PACRGL: variants seen among roughly 807,000 people sequenced by gnomAD.
PACRGL encodes the protein PACRG-like protein.
Under a neutral mutation model 34.5 loss-of-function variants are expected in PACRGL, and 38 were observed. The ratio of observed to expected loss-of-function variants is 1.10; its 90% CI spans 0.85 to 1.44. The LOEUF is 1.44. Among genes scored for constraint, PACRGL ranks in the 40% most tolerant of loss-of-function variants. The pLI is 0.00. For missense variants in PACRGL, 305 were observed against 281.4 expected (o/e 1.08, Z -0.60); for synonymous variants, 128 against 100.1 (o/e 1.28, Z -1.66).
chr4:20,732,699 G>T (rs368576905), downstream of PACRGL: 9 of 1,610,110 alleles, frequency 5.6e-6, no homozygotes, highest in South Asian at 1.1e-5. Flanking sequence ...ATGTTTCAAC[G>T]TGTTGTCTGG....
chr4:20,759,771 C>A, the PACRGL span, among the ~76,000 whole-genome samples: 1 of 152,150 alleles, frequency 6.6e-6, no homozygotes, highest in Non-Finnish European at 1.5e-5. Flanking sequence ...TTATAAGAAC[C>A]AGTGTGGTTA....
the PACRGL span, among the ~76,000 whole-genome samples, chr4:20,761,603 G>T: frequency 3.3e-5 from 5 of 152,114 alleles, no homozygotes; most frequent in Admixed American, 1.3e-4. Context: ...GTTAGAGCTG[G>T]AAAGTTGCCT....
In PACRGL at chr4:20,704,689, A is replaced by G. The variant is rs1284679312; in HGVS notation, c.82A>G (p.Thr28Ala). The change falls in exon 3 of 9, where the codon ACA becomes GCA. Residue 28 changes from threonine (T) to alanine (A), a missense_variant. Physicochemically the swap from Thr to Ala is moderately conservative, Grantham distance 58 (BLOSUM62 0). Transcript: ENST00000503585. ...CTATGATCAAAGGACATCATCAAGC[A>G]CACAGTTAAAACACAGGAATGCAGT... ...GNYDQRTSSSTQLKHRNAVQG... is the reference protein window; with the variant it reads ...GNYDQRTSSSAQLKHRNAVQG... 2.5e-6 allele frequency: 4 copies of G among 1,614,180 alleles called. 1 individual carries two copies. The highest frequency in any genetic ancestry group is 2.2e-5 in the South Asian group (2 of 91,080).
At chr4:20,704,994 A>G (rs1339033262) in intron 3 of PACRGL, among the ~76,000 whole-genome samples, 180 bp downstream of exon 3, 2 of 152,182 alleles carry the variant, frequency 1.3e-5, no homozygotes, top group African/African-American at 4.8e-5. Context: ...GGGAGTGAGT[A>G]TGGAGGTAAG....
intron 7 of PACRGL, chr4:20,718,768 A>G (rs1741445553): frequency 6.6e-6 from 1 of 152,236 alleles, no homozygotes; most frequent in Non-Finnish European, 1.5e-5. Context: ...ATTGATGTTC[A>G]TCAGGGATAT....
At chr4:20,756,729 A>G (rs559511377), downstream of PACRGL, among the ~76,000 whole-genome samples, 98 of 152,042 alleles carry the variant, frequency 6.4e-4, no homozygotes, top group African/African-American at 2.3e-3. Context: ...CCACATCCCA[A>G]AGAGACCTTC....
downstream of PACRGL, chr4:20,752,892 A>G (rs1753892190): frequency 6.6e-6 from 1 of 152,208 alleles, no homozygotes; most frequent in African/African-American, 2.4e-5. Context: ...ATATTTGTTA[A>G]AAGAGTGATT....
intron 5 of PACRGL, among the ~76,000 whole-genome samples, chr4:20,712,289 G>T (rs1578188509): frequency 7.3e-6 from 1 of 136,890 alleles, no homozygotes; most frequent in African/African-American, 2.7e-5. Flanking sequence ...TCCCTTCTGT[G>T]AGTAGAGATT....
chr4:20,710,825 T>A (rs73108132), intron 5 of PACRGL, among the ~76,000 whole-genome samples: 1,934 of 152,226 alleles, frequency 0.013, 37 homozygotes, highest in African/African-American at 0.045. Flanking sequence ...TTTTCTTAAT[T>A]TATTGCCGAG....
upstream of PACRGL, among the ~76,000 whole-genome samples, chr4:20,698,036 C>T (rs1731313318): frequency 6.6e-6 from 1 of 152,008 alleles, no homozygotes. Context: ...TTTAGGGAAC[C>T]CCCTAAGGAT....
Position 20,730,178 on chromosome 4 carries a change from A to G in PACRGL, c.*2837A>G, listed in dbSNP as rs373590424. 13 of 1,566,254 alleles carry G rather than the reference A, an allele frequency of 8.3e-6. No homozygotes were observed. In the African/African-American group the frequency reaches 1.8e-4, roughly 21 times the overall value. On this transcript the variant is annotated 3_prime_UTR_variant, in exon 9 of 9. Transcript: ENST00000503585. ...ATTAAATTCAGCATATCTGCAAGGA[A>G]AAGTACACTATTTTGCCCCTGAGTA...
At chr4:20,719,947 A>T (rs1405413300) in intron 7 of PACRGL, among the ~76,000 whole-genome samples, 1 of 151,940 alleles carries the variant, frequency 6.6e-6, no homozygotes, top group East Asian at 1.9e-4. Context: ...GTCTCCCATT[A>T]TTATTGTGTG....
chr4:20,709,929 A>G, intron 5 of PACRGL, 156 bp downstream of exon 5: 1 of 578,358 alleles, frequency 1.7e-6, no homozygotes, highest in South Asian at 2.2e-5. Flanking sequence ...GGAATGAATT[A>G]TGATTCTTAT....
At chr4:20,746,074 A>C (rs1752351912) in intron 8 of PACRGL, among the ~76,000 whole-genome samples, 1 of 152,192 alleles carries the variant, frequency 6.6e-6, no homozygotes. Flanking sequence ...AGACACATAC[A>C]CATGTATATG....
rs558195532 is a variant in PACRGL at position 20,730,258 on chromosome 4, G to GTGTT, written c.*2920_*2923dup. Reference sequence around the variant, plus strand: ...CCTATGCCAAAAGCTCAAATATTAAGTGTTTGCAAATGTAAATGCCATTCT... The same window carrying GTGTT: ...CCTATGCCAAAAGCTCAAATATTAAGTGTTTGTTTGCAAATGTAAATGCCATTCT... On this transcript the variant is annotated 3_prime_UTR_variant, in exon 9 of 9. Transcript: ENST00000503585. 5.6e-5 allele frequency: 66 copies of GTGTT among 1,180,114 alleles called. No individual in the cohort carries two copies. The highest frequency in any genetic ancestry group is 4.0e-4 in the South Asian group (20 of 50,454). 73.1% of individuals were successfully genotyped at this position (1,180,114 alleles called of 1,614,324 possible). A position where few individuals can be genotyped will look rare whatever the true frequency, so the allele number is the denominator to read the frequency against.
chr4:20,717,430 T>A (rs1396729530), intron 7 of PACRGL, among the ~76,000 whole-genome samples: 2 of 152,206 alleles, frequency 1.3e-5, no homozygotes, highest in African/African-American at 4.8e-5. Context: ...CTGAATGGTA[T>A]TGCCTAGGTT....
chr4:20,700,390 C>A (rs564892675), upstream of PACRGL: 1 of 152,218 alleles, frequency 6.6e-6, no homozygotes, highest in Non-Finnish European at 1.5e-5. Context: ...TTGGTTTAGA[C>A]GACGCAGCGT....
At chr4:20,723,271 T>C (rs1310005032) in intron 7 of PACRGL, among the ~76,000 whole-genome samples, 7 of 152,162 alleles carry the variant, frequency 4.6e-5, no homozygotes, top group Admixed American at 2.6e-4. Flanking sequence ...GTATACAAAG[T>C]GACTCATTCA....
the PACRGL span, among the ~76,000 whole-genome samples, chr4:20,760,141 G>C: frequency 6.6e-6 from 1 of 152,182 alleles, no homozygotes; most frequent in Non-Finnish European, 1.5e-5. Context: ...ATTGTAAGTG[G>C]AGAAGTGGTA....
Sources: gnomAD v4.1 joint callset for allele counts (sites outside exome capture counted in the v4.1 genomes callset) on GRCh38, gnomAD v4.1.1 for gene constraint, MANE v1.5 for transcripts, NCBI Gene and HGNC (gene_info 2026-07-23, HGNC 2026-07-21) for gene names.